The following BCAS3 variants were observed in gnomAD, a reference collection of about 807,000 sequenced individuals.
BCAS3 encodes the protein BCAS4/BCAS3 fusion.
Under a neutral mutation model 116.1 loss-of-function variants are expected in BCAS3, and 53 were observed. That is an observed-to-expected ratio of 0.46 (90% CI 0.37 to 0.57). BCAS3 has a LOEUF of 0.57. Among genes scored for constraint, BCAS3 ranks in the 20% least tolerant of loss-of-function variants. BCAS3 has a pLI of 0.00. For missense variants in BCAS3, 917 were observed against 1,165.4 expected, an observed-to-expected ratio of 0.79 and a Z score of 3.10; for synonymous variants, 391 against 408.2, an observed-to-expected ratio of 0.96 and a Z score of 0.51.
intron 6 of BCAS3, among the ~76,000 whole-genome samples, chr17:60,795,941 C>T (rs1408374984): frequency 2.0e-5 from 3 of 152,120 alleles, no homozygotes; most frequent in African/African-American, 7.2e-5. Flanking sequence ...CCACCCACCT[C>T]GGCCTCCCAA....
At chr17:60,732,676 T>C (rs2040574202) in intron 5 of BCAS3, among the ~76,000 whole-genome samples, 1 of 151,938 alleles carries the variant, frequency 6.6e-6, no homozygotes, top group Non-Finnish European at 1.5e-5. Flanking sequence ...CCGTGTCTAC[T>C]AAAAACACAA....
intron 22 of BCAS3, among the ~76,000 whole-genome samples, chr17:61,345,313 C>CCCGCCCT (rs1227612961): frequency 6.6e-6 from 1 of 152,170 alleles, no homozygotes; most frequent in Non-Finnish European, 1.5e-5. Flanking sequence ...GCTTGTCACT[C>CCCGCCCT]CCGCCCTGGG....
At chr17:60,999,933 C>G (rs111466710) in intron 15 of BCAS3, among the ~76,000 whole-genome samples, 13 of 151,834 alleles carry the variant, frequency 8.6e-5, no homozygotes, top group Non-Finnish European at 1.3e-4. Flanking sequence ...AAAGGGATTG[C>G]GTTCTTTATT....
intron 5 of BCAS3, among the ~76,000 whole-genome samples, chr17:60,711,315 G>T (rs1342881566): frequency 6.6e-6 from 1 of 152,084 alleles, no homozygotes; most frequent in African/African-American, 2.4e-5. Context: ...TTCCAAAGGC[G>T]TGGAGAAAGT....
chr17:60,965,401 T>C (rs926667347), intron 14 of BCAS3, among the ~76,000 whole-genome samples: 10 of 151,984 alleles, frequency 6.6e-5, no homozygotes, highest in African/African-American at 2.2e-4. Flanking sequence ...TTTGTATTTT[T>C]AGTAGAGATG....
At chr17:61,110,524 G>A (rs1007676952) in intron 22 of BCAS3, among the ~76,000 whole-genome samples, 5 of 152,318 alleles carry the variant, frequency 3.3e-5, no homozygotes, top group South Asian at 4.1e-4. Context: ...TGAATATTGC[G>A]CTTTTCGGAC....
intron 5 of BCAS3, among the ~76,000 whole-genome samples, chr17:60,732,488 AC>A (rs2040556948): frequency 1.3e-5 from 2 of 152,164 alleles, no homozygotes; most frequent in Non-Finnish European, 2.9e-5. Context: ...GCTGCTTACC[AC>A]CTTGGTAGTA....
rs150997300 is a variant in BCAS3 at position 60,802,806 on chromosome 17, T to G, written c.404-5198T>G. Among the ~76,000 whole-genome samples the G allele has an allele frequency of 9.6e-3, 1,468 of 152,232 alleles. 10 individuals carry two copies. Among genetic ancestry groups the G allele is most frequent in the Non-Finnish European group, 0.015 (1,000 of 68,016 alleles). On this transcript the variant is annotated intron_variant, in intron 6 of 23. Transcript: ENST00000407086. ...ATAGACACCCGGCTAATTTTGTATT[T>G]TTAGTAGAGATGGGGTTTCACCACA...
intron 22 of BCAS3, among the ~76,000 whole-genome samples, chr17:61,230,767 T>G: frequency 6.6e-6 from 1 of 152,178 alleles, no homozygotes. Flanking sequence ...TGCAGGTATC[T>G]TTTTGGTATA....
At position 61,391,882 on chromosome 17, in the gene BCAS3, G is replaced by A; in HGVS notation, c.2594-95G>A. On this transcript the variant is annotated intron_variant, in intron 23 of 23. Transcript: ENST00000407086. The surrounding 1 kb of genome is among the most constrained non-coding windows in gnomAD (Gnocchi z 7.7). ...CTGCGGAAGGACACAAGTGAACCCAGAATGGTGCCTCAAGGCAGGCAGCCT... is the reference window on the plus strand; with the variant it reads ...CTGCGGAAGGACACAAGTGAACCCAAAATGGTGCCTCAAGGCAGGCAGCCT... 1 of 1,389,348 alleles carries A rather than the reference G, an allele frequency of 7.2e-7. No homozygotes were observed. Among genetic ancestry groups the A allele is most frequent in the Non-Finnish European group, 9.9e-7 (1 of 1,010,964 alleles). The allele number at this position is 1,389,348 out of a possible 1,614,324, so 86.1% of individuals were successfully genotyped here.
At chr17:60,821,216 G>A (rs1169008850) in intron 7 of BCAS3, among the ~76,000 whole-genome samples, 1 of 152,074 alleles carries the variant, frequency 6.6e-6, no homozygotes, top group African/African-American at 2.4e-5. Flanking sequence ...TAAAGCGCTG[G>A]GATTACAGGC....
chr17:60,682,489 C>G (rs139984228), intron 2 of BCAS3, among the ~76,000 whole-genome samples: 246 of 152,178 alleles, frequency 1.6e-3, no homozygotes, highest in African/African-American at 5.7e-3. Flanking sequence ...TTTTTCACAT[C>G]TCTTGAAATG....
Position 61,097,498 on chromosome 17 carries a change from A to G in BCAS3, c.2425+12934A>G, listed in dbSNP as rs999914598. Among the ~76,000 whole-genome samples, 2 of 152,138 alleles carry G rather than the reference A, an allele frequency of 1.3e-5. No individual in the cohort carries two copies. Among genetic ancestry groups the G allele is most frequent in the African/African-American group, 4.8e-5 (2 of 41,424 alleles). ...TATTTCTTAGGTTTATATTTAAGTG[A>G]TGGTTTGGACTTTTGATAAAAAGAG... On this transcript the variant is annotated intron_variant, in intron 22 of 23. Transcript: ENST00000407086. This position sits in a 1 kb window ranked among gnomAD's most constrained non-coding sequence, Gnocchi z 4.0.
chr17:61,149,030 C>T (rs903672045), intron 22 of BCAS3, among the ~76,000 whole-genome samples: 1 of 152,156 alleles, frequency 6.6e-6, no homozygotes, highest in Non-Finnish European at 1.5e-5. Flanking sequence ...ATTTCAACCC[C>T]ATGGTACTTC....
rs1478309145 is a variant in BCAS3 at position 60,809,526 on chromosome 17, G to A, written c.476+1450G>A. ...TTGGTTGGTTGGTTGGTTATAGAGT[G>A]TCTTCCAGGGTGAGAAAGGTTTTGA... On this transcript the variant is annotated intron_variant, in intron 7 of 23. Transcript: ENST00000407086. Among the ~76,000 whole-genome samples, 4 of 152,302 alleles carry A rather than the reference G, an allele frequency of 2.6e-5. No individual in the cohort carries two copies. The East Asian group carries it at 7.7e-4, about 29-fold the overall frequency.
intron 19 of BCAS3, among the ~76,000 whole-genome samples, chr17:61,058,353 C>T (rs193003445): frequency 1.1e-3 from 162 of 152,268 alleles, no homozygotes; most frequent in Non-Finnish European, 1.3e-3. Context: ...TTTTATACTA[C>T]GCTTTCTTTG....
At chr17:60,745,205 T>C (rs2144250671) in intron 5 of BCAS3, among the ~76,000 whole-genome samples, 1 of 152,124 alleles carries the variant, frequency 6.6e-6, no homozygotes, top group East Asian at 1.9e-4. Flanking sequence ...AAGTGAGAAG[T>C]ATTTTTCATT....
In BCAS3 at chr17:61,256,372, A is replaced by G. The variant is rs2048778763; in HGVS notation, c.2426-111955A>G. ...AGGCTGGAGTGCAGCGGTGTGATCA[A>G]GGCTCACTGCAACCTCCGCCTCTGG... is the stretch of plus-strand genomic sequence containing the variant. On this transcript the variant is annotated intron_variant, in intron 22 of 23. Coordinates refer to ENST00000407086, the MANE Select transcript of BCAS3 (RefSeq NM_017679.5). The surrounding 1 kb of genome is among the most constrained non-coding windows in gnomAD (Gnocchi z 5.6). Among the ~76,000 whole-genome samples, 1 of 152,038 alleles carries G rather than the reference A, an allele frequency of 6.6e-6. No individual in the cohort carries two copies. Among genetic ancestry groups the G allele is most frequent in the African/African-American group, 2.4e-5 (1 of 41,424 alleles).
In BCAS3 at chr17:60,684,021, G is replaced by C. The variant is rs1030945661; in HGVS notation, c.123G>C (p.Gln41His). ...SYMESVVTFL[Q>H]DVVPQAYSGT... ...TGGAAAGTGTTGTGACTTTTCTGCA[G>C]GATGTTGTGCCACAGGTAAGTGTCT... The change falls in exon 3 of 24, where the codon CAG becomes CAC. Residue 41 changes from glutamine to histidine, a missense_variant. Gln to His is a conservative substitution (Grantham distance 24). Around this residue, in one of 3 missense-constraint regions of BCAS3, gnomAD observed 807 missense variants for 1,026.0 expected, o/e 0.79. Coordinates refer to ENST00000407086, the MANE Select transcript of BCAS3 (RefSeq NM_017679.5). 4 of 1,613,848 alleles carry C rather than the reference G, an allele frequency of 2.5e-6. No homozygotes were observed. The African/African-American group carries it at 4.0e-5, about 16-fold the overall frequency.
Sources: allele counts gnomAD v4.1 joint callset (sites outside exome capture counted in the v4.1 genomes callset), GRCh38; gene constraint gnomAD v4.1.1; regional missense constraint gnomAD v4.1.1; non-coding constraint Gnocchi (gnomAD v3.1); transcripts MANE v1.5; gene names NCBI Gene and HGNC (gene_info 2026-07-23, HGNC 2026-07-21).